TRIM23: variants seen among roughly 807,000 people sequenced by gnomAD.
The protein encoded by TRIM23 is E3 ubiquitin-protein ligase TRIM23.
A neutral mutation model predicts 71.0 loss-of-function variants in TRIM23; 27 were observed. The ratio of observed to expected loss-of-function variants is 0.38; its 90% confidence interval spans 0.28 to 0.52. The LOEUF (loss-of-function observed/expected upper bound fraction) is 0.52, where lower values mean the gene tolerates loss of function less well. Among genes scored for constraint, TRIM23 ranks in the 20% least tolerant of loss-of-function variants. The pLI is 0.84. For synonymous variants in TRIM23, 234 were observed against 238.0 expected (o/e 0.98, Z 0.16); for missense variants, 482 against 692.3 (o/e 0.70, Z 3.41).
rs771152984 is a variant in TRIM23 at position 65,618,140 on chromosome 5, T to C, written c.197A>G (p.His66Arg). The change falls in exon 2 of 11, where the codon CAT (histidine) becomes CGT (arginine). Residue 66 changes from histidine to arginine, a missense_variant. His to Arg is a conservative substitution (Grantham distance 29). Around this residue, in one of 2 missense-constraint regions of TRIM23, gnomAD observed 175 missense variants for 196.5 expected, o/e 0.89. Transcript: ENST00000231524. ...CHDCLTRLPL[H>R]GRAIRCPFDR... ...AAATGGGCAACGGATTGCTCTTCCA[T>C]GAAGAGGTAGGCGAGTGAGACAGTC... The C allele has an allele frequency of 1.2e-6, 2 of 1,613,996 alleles. No individual in the cohort carries two copies. The highest frequency in any genetic ancestry group is 1.7e-5 in the Admixed American group (1 of 60,002).
chr5:65,592,501 G>A (rs1479721625), intron 10 of TRIM23, among the ~76,000 whole-genome samples: 4 of 151,902 alleles, frequency 2.6e-5, no homozygotes, highest in Non-Finnish European at 5.9e-5. Context: ...TGCAAGGATT[G>A]CAGGCATGAG....
chr5:65,592,957 C>T (rs571035934), intron 10 of TRIM23, among the ~76,000 whole-genome samples: 1 of 152,210 alleles, frequency 6.6e-6, no homozygotes, highest in African/African-American at 2.4e-5. Flanking sequence ...CATATATATA[C>T]ACATACATAC....
At chr5:65,595,197 A>G (rs1754165959) in intron 9 of TRIM23, among the ~76,000 whole-genome samples, 1 of 151,878 alleles carries the variant, frequency 6.6e-6, no homozygotes, top group Non-Finnish European at 1.5e-5. Context: ...GGATCACTTG[A>G]GCCCAGGAGT....
At chr5:65,623,050 A>G (rs1202687395) in intron 1 of TRIM23, among the ~76,000 whole-genome samples, 2 of 152,230 alleles carry the variant, frequency 1.3e-5, no homozygotes, top group Admixed American at 6.5e-5. Flanking sequence ...TACCTGTAGA[A>G]TAACTTCATT....
At position 65,596,437 on chromosome 5, in the gene TRIM23, A is replaced by G; in HGVS notation, c.1404T>C (p.Tyr468=). Residue 468 remains tyrosine, a synonymous_variant, in exon 9 of 11, where the codon TAT becomes TAC. Transcript: ENST00000231524. The part of the protein sequence containing the change: ...KHKLRPLWKH[Y]YLNTQAVVFV... The stretch of plus-strand genomic sequence containing the variant: ...AACTCTCACCTTGAGTATTGAGGTA[A>G]TAATGTTTCCACAATGGTCTTAATT... 6.2e-7 allele frequency: 1 copy of G among 1,601,700 alleles called. No homozygotes were observed. Among genetic ancestry groups the G allele is most frequent in the Non-Finnish European group, 8.5e-7 (1 of 1,169,854 alleles).
At chr5:65,593,986 T>C (rs538300988) in intron 10 of TRIM23, among the ~76,000 whole-genome samples, 2 of 152,324 alleles carry the variant, frequency 1.3e-5, no homozygotes, top group African/African-American at 4.8e-5. Context: ...AAACCTAAAT[T>C]TCTCAGTCTA....
chr5:65,622,686 G>C (rs75228446), intron 1 of TRIM23, among the ~76,000 whole-genome samples: 2,910 of 152,134 alleles, frequency 0.019, 69 homozygotes, highest in African/African-American at 0.058. Context: ...ACAAATTATG[G>C]CATGAAGATT....
At chr5:65,617,987 G>A (rs1754817481) in intron 2 of TRIM23, 106 bp downstream of exon 2, 2 of 1,241,946 alleles carry the variant, frequency 1.6e-6, no homozygotes, top group Non-Finnish European at 2.2e-6. Flanking sequence ...GAAACTTTCT[G>A]GGAATTTTAT....
Position 65,590,286 on chromosome 5 carries a change from A to G in TRIM23, c.*1483T>C. 1.5e-6 allele frequency: 2 copies of G among 1,353,628 alleles called. No homozygotes were observed. Among genetic ancestry groups the G allele is most frequent in the Non-Finnish European group, 2.1e-6 (2 of 964,366 alleles). 83.9% of individuals were successfully genotyped at this position (1,353,628 alleles called of 1,614,324 possible). ...TTTATGCACACAAACTACACCTGTA[A>G]CAGCATGACCTTTTACCTGAAAAAT... On this transcript the variant is annotated 3_prime_UTR_variant, in exon 11 of 11. Transcript: ENST00000231524.
intron 1 of TRIM23, among the ~76,000 whole-genome samples, chr5:65,622,149 A>T (rs1315876371): frequency 1.3e-5 from 2 of 151,938 alleles, no homozygotes; most frequent in Non-Finnish European, 2.9e-5. Flanking sequence ...AATGTCAGTT[A>T]TTTCACAATA....
Position 65,610,900 on chromosome 5 carries a change from T to G in TRIM23, c.789A>C (p.Gln263His). The G allele has an allele frequency of 6.2e-7, 1 of 1,612,294 alleles. No individual in the cohort carries two copies. Among genetic ancestry groups the G allele is most frequent in the Non-Finnish European group, 8.5e-7 (1 of 1,179,488 alleles). Residue 263 changes from glutamine to histidine, a missense_variant, in exon 5 of 11, where the codon CAA (glutamine) becomes CAC (histidine). Coordinates refer to ENST00000231524, the MANE Select transcript of TRIM23 (RefSeq NM_001656.4). ...GIVQHIEGGE[Q>H]IVEDGIGMAH... is the part of the protein sequence containing the mutation. ...CCATTCCAATTCCATCTTCCACGAT[T>G]TGTTCTCCTCCTTCAATGTGCTGCA...
At chr5:65,605,628 A>T (rs1283713482) in intron 6 of TRIM23, among the ~76,000 whole-genome samples, 1 of 152,218 alleles carries the variant, frequency 6.6e-6, no homozygotes, top group African/African-American at 2.4e-5. Context: ...TCAGATATAC[A>T]TGTATTCGTT....
intron 7 of TRIM23, among the ~76,000 whole-genome samples, chr5:65,597,677 T>TTGACAGTATATTGACAG (rs1448705858): frequency 1.3e-5 from 2 of 152,182 alleles, no homozygotes; most frequent in Non-Finnish European, 2.9e-5. Context: ...CAACAGTATA[T>TTGACAGTATATTGACAG]TATGGAATCC....
rs201327066 is a variant in TRIM23, at chr5:65,624,265, G to C, written c.10C>G (p.Leu4Val). Residue 4 changes from leucine (L) to valine (V), a missense_variant, in exon 1 of 11, where the codon CTG becomes GTG. Physicochemically the swap from Leu to Val is conservative, Grantham distance 32 (BLOSUM62 1). Coordinates refer to ENST00000231524, the MANE Select transcript of TRIM23 (RefSeq NM_001656.4). MAT[L>V]VVNKLGAGVD... ...CCCGCTCCGAGCTTGTTTACAACCA[G>C]GGTAGCCATCCTCGCAGGGGAAGCG... 9.5e-5 allele frequency: 154 copies of C among 1,614,126 alleles called. No individual in the cohort carries two copies. In the East Asian group the frequency reaches 1.0e-3, roughly 11 times the overall value.
intron 10 of TRIM23, among the ~76,000 whole-genome samples, chr5:65,592,338 C>T (rs1273964978): frequency 6.6e-6 from 1 of 152,156 alleles, no homozygotes; most frequent in African/African-American, 2.4e-5. Context: ...GATTCTCCTG[C>T]TTTGGCCTCC....
At position 65,590,328 on chromosome 5, in the gene TRIM23, CATTT is replaced by C. The variant is rs778875495; in HGVS notation, c.*1437_*1440del. The C allele has an allele frequency of 3.5e-6, 5 of 1,448,024 alleles. No individual in the cohort carries two copies. Among genetic ancestry groups the C allele is most frequent in the East Asian group, 2.4e-5 (1 of 41,464 alleles). The allele number at this position is 1,448,024 out of a possible 1,614,324, so 89.7% of individuals were successfully genotyped here. ...CTGAAAAATAAAGGATGAAATATTA[CATTT>C]ATTTATTTACATATTGCCCATAATA... On this transcript the variant is annotated 3_prime_UTR_variant, in exon 11 of 11. Coordinates refer to ENST00000231524, the MANE Select transcript of TRIM23 (RefSeq NM_001656.4).
chr5:65,615,440 G>A (rs1241496487), intron 2 of TRIM23, among the ~76,000 whole-genome samples: 3 of 151,818 alleles, frequency 2.0e-5, no homozygotes, highest in African/African-American at 7.3e-5. Flanking sequence ...TGATATAGCT[G>A]CCACCTAATA....
At chr5:65,607,495 T>C (rs1310157188) in intron 6 of TRIM23, among the ~76,000 whole-genome samples, 3 of 152,204 alleles carry the variant, frequency 2.0e-5, no homozygotes, top group African/African-American at 7.2e-5. Flanking sequence ...CCTGCCGTCC[T>C]GTAAACAAGG....
At chr5:65,594,473 C>T in intron 10 of TRIM23, 48 bp downstream of exon 10, 4 of 1,565,388 alleles carry the variant, frequency 2.6e-6, no homozygotes, top group South Asian at 2.4e-5. Context: ...TGCCTTTTGA[C>T]ATGCACAAAA....
Sources: allele counts gnomAD v4.1 joint callset (sites outside exome capture counted in the v4.1 genomes callset), GRCh38; gene constraint gnomAD v4.1.1; regional missense constraint gnomAD v4.1.1; transcripts MANE v1.5; gene names NCBI Gene and HGNC (gene_info 2026-07-23, HGNC 2026-07-21).